The following AHCTF1 variants were observed in gnomAD, a reference collection of about 807,000 sequenced individuals.
AHCTF1 encodes the protein protein ELYS.
A neutral mutation model predicts 248.4 loss-of-function variants in AHCTF1; 24 were observed. The ratio of observed to expected loss-of-function variants is 0.10; its 90% CI spans 0.07 to 0.14. The LOEUF (loss-of-function observed/expected upper bound fraction) is 0.14, where lower values mean the gene tolerates loss of function less well. AHCTF1 is among the 10% of genes least tolerant of loss of function. The pLI, the probability that AHCTF1 is intolerant of heterozygous loss-of-function variation, is 1.00. For synonymous variants in AHCTF1, 786 were observed against 929.8 expected (o/e 0.85, Z 2.81); for missense variants, 2,206 against 2,636.2 (o/e 0.84, Z 3.57).
At chr1:246,912,494 A>AT (rs1328118735) in intron 4 of AHCTF1, among the ~76,000 whole-genome samples, 2 of 151,824 alleles carry the variant, frequency 1.3e-5, no homozygotes, top group South Asian at 2.1e-4. Flanking sequence ...AAAAAAAAAA[A>AT]CAAAACCAAG....
intron 4 of AHCTF1, among the ~76,000 whole-genome samples, chr1:246,910,463 T>C (rs1665721624): frequency 1.3e-5 from 2 of 152,166 alleles, no homozygotes. Flanking sequence ...AAAATATCCC[T>C]ATTTGCTTTA....
chr1:246,907,008 C>T (rs1572448940), intron 5 of AHCTF1, among the ~76,000 whole-genome samples: 1 of 152,218 alleles, frequency 6.6e-6, no homozygotes, highest in South Asian at 2.1e-4. Flanking sequence ...GAGAAATGCT[C>T]GTCAGGGATT....
chr1:246,892,295 GTTTTACTTTTTT>G (rs1664257925), intron 14 of AHCTF1, among the ~76,000 whole-genome samples: 1 of 78,848 alleles, frequency 1.3e-5, no homozygotes, highest in Non-Finnish European at 2.8e-5. Flanking sequence ...ATTCTAATTT[GTTTTACTTTTTT>G]TTTTTTTTTT....
chr1:246,909,615 G>A (rs1351605946), intron 4 of AHCTF1, among the ~76,000 whole-genome samples: 1 of 152,158 alleles, frequency 6.6e-6, no homozygotes, highest in Non-Finnish European at 1.5e-5. Flanking sequence ...CAAAGCACAA[G>A]AGTGGTCATG....
intron 14 of AHCTF1, among the ~76,000 whole-genome samples, chr1:246,892,827 CA>C (rs1241324038): frequency 6.6e-6 from 1 of 151,458 alleles, no homozygotes; most frequent in Non-Finnish European, 1.5e-5. Context: ...TTTGGTTTTG[CA>C]GAGACGGGGG....
intron 6 of AHCTF1, among the ~76,000 whole-genome samples, chr1:246,905,200 T>A (rs1308219119): frequency 6.6e-6 from 1 of 152,198 alleles, no homozygotes; most frequent in Non-Finnish European, 1.5e-5. Flanking sequence ...GACTAATTTT[T>A]AAAGATTGTA....
intron 1 of AHCTF1, among the ~76,000 whole-genome samples, chr1:246,925,036 T>TAA: frequency 6.6e-6 from 1 of 152,178 alleles, no homozygotes; most frequent in Non-Finnish European, 1.5e-5. Flanking sequence ...AAGGCCAGAA[T>TAA]CACATTGTTA....
In AHCTF1 at chr1:246,897,436, T is replaced by C. The variant is rs114713118; in HGVS notation, c.1623+772A>G. ...TACAAAAATGAATTGCATTTTTCCA[T>C]ATAGCCATGTGTTGCTTAATGATGG... On this transcript the variant is annotated intron_variant, in intron 12 of 35. Coordinates refer to ENST00000648844, the MANE Select transcript of AHCTF1 (RefSeq NM_001323342.2). Among the ~76,000 whole-genome samples, 336 of 152,374 alleles carry C rather than the reference T, an allele frequency of 2.2e-3. 1 individual carries two copies. The highest frequency in any genetic ancestry group is 7.6e-3 in the African/African-American group (316 of 41,590).
intron 1 of AHCTF1, among the ~76,000 whole-genome samples, chr1:246,921,591 G>A (rs1666554446): frequency 6.6e-6 from 1 of 152,072 alleles, no homozygotes; most frequent in African/African-American, 2.4e-5. Flanking sequence ...GTACTAATAG[G>A]AAGAAGCAAT....
intron 13 of AHCTF1, among the ~76,000 whole-genome samples, chr1:246,895,072 G>A (rs1226127134): frequency 6.6e-6 from 1 of 151,410 alleles, no homozygotes; most frequent in East Asian, 1.9e-4. Context: ...GTGACAAAAT[G>A]TACAAGATTA....
chr1:246,879,136 C>A (rs1305144914), intron 21 of AHCTF1, among the ~76,000 whole-genome samples: 1 of 151,920 alleles, frequency 6.6e-6, no homozygotes, highest in Non-Finnish European at 1.5e-5. Flanking sequence ...AAAATCCCAA[C>A]AACACAGGAA....
At chr1:246,886,679 G>A (rs564498034) in intron 20 of AHCTF1, among the ~76,000 whole-genome samples, 24 of 152,134 alleles carry the variant, frequency 1.6e-4, no homozygotes, top group African/African-American at 5.5e-4. Flanking sequence ...TATACAAGAG[G>A]ATGTGCATAG....
At chr1:246,891,509 CTT>C (rs1437267850) in intron 15 of AHCTF1, among the ~76,000 whole-genome samples, 1 of 152,116 alleles carries the variant, frequency 6.6e-6, no homozygotes, top group Non-Finnish European at 1.5e-5. Flanking sequence ...ATACATATAA[CTT>C]AATTTGAAAC....
rs977931430 is a variant in AHCTF1, at chr1:246,890,140, T to G, written c.2051-81A>C. On this transcript the variant is annotated intron_variant, in intron 16 of 35. Coordinates refer to ENST00000648844, the MANE Select transcript of AHCTF1 (RefSeq NM_001323342.2). ...ATACATATTAATATTTTACTGTAAT[T>G]TAATATTTACAGCAACCCCTGGTTA... 1.9e-5 allele frequency: 20 copies of G among 1,041,644 alleles called. No individual in the cohort carries two copies. In the African/African-American group the frequency reaches 2.6e-4, roughly 14 times the overall value. The allele number at this position is 1,041,644 out of a possible 1,614,324, so 64.5% of individuals were successfully genotyped here. A position where few individuals can be genotyped will look rare whatever the true frequency, so the allele number is the denominator to read the frequency against.
At position 246,843,969 on chromosome 1, in the gene AHCTF1, T is replaced by C. The variant is rs564255285; in HGVS notation, c.6392-41A>G. 50 of 1,278,300 alleles carry C rather than the reference T, an allele frequency of 3.9e-5. 1 individual carries two copies. Among genetic ancestry groups the C allele is most frequent in the African/African-American group, 1.1e-4 (7 of 64,750 alleles). The allele number at this position is 1,278,300 out of a possible 1,614,324, so 79.2% of individuals were successfully genotyped here. A position where few individuals can be genotyped will look rare whatever the true frequency, so the allele number is the denominator to read the frequency against. On this transcript the variant is annotated intron_variant, in intron 33 of 35. Transcript: ENST00000648844. ...AAAACTGTATCTGTATCTTTATATA[T>C]GTGTGTATATATATAAACACAATAA... is the stretch of plus-strand genomic sequence containing the variant.
Position 246,907,767 on chromosome 1 carries a change from A to G in AHCTF1, c.557-9T>C. 1 of 1,600,528 alleles carries G rather than the reference A, an allele frequency of 6.2e-7. No homozygotes were observed. Among genetic ancestry groups the G allele is most frequent in the Non-Finnish European group, 8.5e-7 (1 of 1,174,242 alleles). On this transcript the variant is annotated splice_polypyrimidine_tract_variant and intron_variant, in intron 4 of 35. Transcript: ENST00000648844. ...AGTTAGAACTTCAAGATCTAAAACC[A>G]CAAATTAGACAAATGAAGTTAAAAA...
At chr1:246,898,383 T>C (rs1008390128) in intron 11 of AHCTF1, 47 bp from the exon 12 acceptor site, 2 of 1,540,658 alleles carry the variant, frequency 1.3e-6, no homozygotes, top group African/African-American at 2.8e-5. Flanking sequence ...TCAATTTGAA[T>C]AATCAAATTT....
At chr1:246,930,450 A>C (rs1187854375) in intron 1 of AHCTF1, among the ~76,000 whole-genome samples, 6 of 152,198 alleles carry the variant, frequency 3.9e-5, no homozygotes, top group Non-Finnish European at 7.3e-5. Flanking sequence ...AGCGCTTGGC[A>C]CACTTAAAAC....
rs141296664 is a variant in AHCTF1 at position 246,882,286 on chromosome 1, C to G, written c.2660+3207G>C. On this transcript the variant is annotated intron_variant, in intron 21 of 35. Transcript: ENST00000648844. ...TGCTGGGATTACAGGCATGAGCCAC[C>G]GCACCTGGCCTATTATTACTTTTAA... Among the ~76,000 whole-genome samples, 586 of 152,242 alleles carry G rather than the reference C, an allele frequency of 3.8e-3. 6 individuals carry two copies. Among genetic ancestry groups the G allele is most frequent in the African/African-American group, 0.013 (558 of 41,552 alleles).
Sources: gnomAD v4.1 joint callset for allele counts (sites outside exome capture counted in the v4.1 genomes callset) on GRCh38, gnomAD v4.1.1 for gene constraint, MANE v1.5 for transcripts, NCBI Gene and HGNC (gene_info 2026-07-23, HGNC 2026-07-21) for gene names.